CAMK1D: variants seen among roughly 807,000 people sequenced by gnomAD.
CAMK1D encodes the protein calcium/calmodulin dependent protein kinase ID, also known as calcium/calmodulin-dependent protein kinase type 1D.
Under a neutral mutation model 47.7 loss-of-function variants are expected in CAMK1D, and 9 were observed. The observed-to-expected ratio is 0.19, with a 90% CI of 0.11 to 0.33. The LOEUF is 0.33. Among genes scored for constraint, CAMK1D ranks in the 10% least tolerant of loss-of-function variants. The pLI, the probability that CAMK1D is intolerant of heterozygous loss-of-function variation, is 1.00. For missense variants in CAMK1D, 291 were observed against 488.7 expected (o/e 0.60, Z 3.81); for synonymous variants, 184 against 184.9 (o/e 0.99, Z 0.04).
At chr10:12,403,758 A>G (rs1839314193) in intron 1 of CAMK1D, among the ~76,000 whole-genome samples, 1 of 152,110 alleles carries the variant, frequency 6.6e-6, no homozygotes, top group South Asian at 2.1e-4. Flanking sequence ...TAACAACTAT[A>G]TTGTATAATG....
chr10:12,582,930 T>C (rs1284038919), intron 2 of CAMK1D, among the ~76,000 whole-genome samples: 1 of 152,116 alleles, frequency 6.6e-6, no homozygotes, highest in East Asian at 1.9e-4. Flanking sequence ...CTAGATGAAA[T>C]TTAAATTGGA....
chr10:12,454,368 T>C (rs1218377286), intron 1 of CAMK1D, among the ~76,000 whole-genome samples: 1 of 152,098 alleles, frequency 6.6e-6, no homozygotes, highest in African/African-American at 2.4e-5. Flanking sequence ...TTTACCGTGT[T>C]AGCCAAGATG....
At chr10:12,563,684 A>G (rs189670492) in intron 2 of CAMK1D, among the ~76,000 whole-genome samples, 24 of 130,260 alleles carry the variant, frequency 1.8e-4, no homozygotes, top group African/African-American at 6.2e-4. Flanking sequence ...AGAGAGAGAG[A>G]GAGAGAGAGA....
chr10:12,791,090 C>A, intron 5 of CAMK1D, 68 bp from the exon 6 acceptor site: 3 of 1,453,766 alleles, frequency 2.1e-6, no homozygotes, highest in South Asian at 2.3e-5. Context: ...AATAGCAGAC[C>A]CCAAAAACTG....
intron 2 of CAMK1D, among the ~76,000 whole-genome samples, chr10:12,630,270 CTT>C (rs1839338203): frequency 6.6e-6 from 1 of 152,142 alleles, no homozygotes; most frequent in Admixed American, 6.5e-5. Context: ...GACCTTCTCT[CTT>C]TTGTTTCCCC....
intron 3 of CAMK1D, among the ~76,000 whole-genome samples, chr10:12,727,826 C>T (rs537837291): frequency 2.0e-4 from 30 of 150,488 alleles, no homozygotes; most frequent in Admixed American, 1.4e-3. Flanking sequence ...TACAGGGGCG[C>T]GCGATCTCAG....
At chr10:12,440,485 G>A (rs1022141802) in intron 1 of CAMK1D, among the ~76,000 whole-genome samples, 11 of 151,938 alleles carry the variant, frequency 7.2e-5, no homozygotes, top group Non-Finnish European at 1.3e-4. Context: ...ATGGGGTTTC[G>A]CCATGTTGGC....
intron 3 of CAMK1D, among the ~76,000 whole-genome samples, chr10:12,681,426 C>G (rs1321426406): frequency 2.0e-5 from 3 of 152,254 alleles, no homozygotes; most frequent in African/African-American, 7.2e-5. Context: ...AGATGCAACA[C>G]CTGACCGCAG....
chr10:12,734,754 G>A (rs79941693), intron 3 of CAMK1D, among the ~76,000 whole-genome samples: 2,479 of 151,826 alleles, frequency 0.016, 35 homozygotes, highest in Middle Eastern at 0.058. Flanking sequence ...TCCTTAGCCC[G>A]ATTTTTCTTA....
chr10:12,418,024 A>T (rs945664600), intron 1 of CAMK1D, among the ~76,000 whole-genome samples: 5 of 152,016 alleles, frequency 3.3e-5, no homozygotes, highest in South Asian at 4.2e-4. Flanking sequence ...CTGGTCTCGA[A>T]CTCCTGACCT....
chr10:12,396,527 G>A (rs1055207192), intron 1 of CAMK1D, among the ~76,000 whole-genome samples: 2 of 152,176 alleles, frequency 1.3e-5, no homozygotes, highest in Non-Finnish European at 2.9e-5. Context: ...CTCCACTGGA[G>A]AACACTTCTT....
At chr10:12,388,992 C>T (rs780428689) in intron 1 of CAMK1D, among the ~76,000 whole-genome samples, 2 of 152,238 alleles carry the variant, frequency 1.3e-5, no homozygotes, top group Non-Finnish European at 2.9e-5. Context: ...GTGTGATTTA[C>T]ATCCCGCAGC....
At chr10:12,684,654 C>T (rs985025567) in intron 3 of CAMK1D, among the ~76,000 whole-genome samples, 3 of 152,050 alleles carry the variant, frequency 2.0e-5, no homozygotes, top group Non-Finnish European at 2.9e-5. Flanking sequence ...TTCCTATAGC[C>T]GTGGTTGGTA....
chr10:12,394,711 G>A (rs1048437416), intron 1 of CAMK1D, among the ~76,000 whole-genome samples: 4 of 152,160 alleles, frequency 2.6e-5, no homozygotes, highest in Non-Finnish European at 5.9e-5. Flanking sequence ...GAACCAGTGG[G>A]AAACCAGGTT....
At chr10:12,671,811 A>T (rs1291834024) in intron 3 of CAMK1D, among the ~76,000 whole-genome samples, 1 of 149,522 alleles carries the variant, frequency 6.7e-6, no homozygotes, top group African/African-American at 2.5e-5. Flanking sequence ...TGATAGTTTC[A>T]TTTACAGCAC....
intron 1 of CAMK1D, among the ~76,000 whole-genome samples, chr10:12,350,432 G>A (rs555829672): frequency 7.9e-5 from 12 of 152,382 alleles, no homozygotes; most frequent in Admixed American, 7.2e-4. Context: ...GAGGATGGAA[G>A]GGAAGGGCTT....
intron 1 of CAMK1D, among the ~76,000 whole-genome samples, chr10:12,449,855 TG>T (rs1833031130): frequency 6.6e-6 from 1 of 152,038 alleles, no homozygotes; most frequent in Non-Finnish European, 1.5e-5. Flanking sequence ...AGAAATTATC[TG>T]GGCATGGTGG....
chr10:12,776,417 C>G (rs1045082068), intron 5 of CAMK1D, among the ~76,000 whole-genome samples: 1 of 152,158 alleles, frequency 6.6e-6, no homozygotes, highest in African/African-American at 2.4e-5. Context: ...GAACATGACC[C>G]TGGAACTATG....
chr10:12,397,497 C>T (rs577757722), intron 1 of CAMK1D, among the ~76,000 whole-genome samples: 8 of 152,324 alleles, frequency 5.3e-5, no homozygotes, highest in Admixed American at 2.0e-4. Flanking sequence ...CTCCCCAGTC[C>T]TAACTCTAGC....
Sources: gnomAD v4.1 joint callset for allele counts (sites outside exome capture counted in the v4.1 genomes callset) on GRCh38, gnomAD v4.1.1 for gene constraint, MANE v1.5 for transcripts, NCBI Gene and HGNC (gene_info 2026-07-23, HGNC 2026-07-21) for gene names.